The following CCDC181 variants were observed in gnomAD, a reference collection of about 807,000 sequenced individuals.
The protein encoded by CCDC181 is coiled-coil domain-containing protein 181.
A neutral mutation model predicts 58.7 loss-of-function variants in CCDC181; 35 were observed. That is an observed-to-expected ratio of 0.60 (90% CI 0.46 to 0.79). The LOEUF (loss-of-function observed/expected upper bound fraction) is 0.79. CCDC181 is among the 30% of genes least tolerant of loss of function. The pLI is 0.00. For synonymous variants in CCDC181, 183 were observed against 197.5 expected (o/e 0.93, Z 0.62); for missense variants, 517 against 583.9 (o/e 0.89, Z 1.18).
At chr1:169,418,639 T>C (rs912702423) in intron 4 of CCDC181, 3 of 234,672 alleles carry the variant, frequency 1.3e-5, no homozygotes, top group African/African-American at 6.7e-5. Context: ...TTGGTGTCTT[T>C]AATTTGCTAA....
chr1:169,437,580 G>A (rs1657091032), intron 2 of CCDC181, among the ~76,000 whole-genome samples: 1 of 152,154 alleles, frequency 6.6e-6, no homozygotes, highest in Non-Finnish European at 1.5e-5. Flanking sequence ...CTCCCTTTGG[G>A]TTTTATAACA....
At chr1:169,402,754 A>T (rs1655421621) in intron 4 of CCDC181, among the ~76,000 whole-genome samples, 1 of 152,208 alleles carries the variant, frequency 6.6e-6, no homozygotes, top group Admixed American at 6.5e-5. Flanking sequence ...TCAACTAACG[A>T]GCAAAATAAC....
Position 169,400,993 on chromosome 1 carries a change from A to G in CCDC181, c.1216-3602T>C, listed in dbSNP as rs1009004543. Among the ~76,000 whole-genome samples the G allele has an allele frequency of 2.0e-5, 3 of 152,204 alleles. No individual in the cohort carries two copies. The South Asian group carries it at 6.2e-4, about 31-fold the overall frequency. On this transcript the variant is annotated intron_variant, in intron 4 of 5. Coordinates refer to ENST00000367806, the MANE Select transcript of CCDC181 (RefSeq NM_001300969.2). ...ACGGTCTTAGCAAACGGCACATCAGAAGATTATATCCCGCACCTGGCTCAG... is the reference window on the plus strand; with the variant it reads ...ACGGTCTTAGCAAACGGCACATCAGGAGATTATATCCCGCACCTGGCTCAG...
intron 2 of CCDC181, among the ~76,000 whole-genome samples, chr1:169,441,167 GTA>G (rs1041339500): frequency 6.6e-6 from 1 of 152,008 alleles, no homozygotes; most frequent in Non-Finnish European, 1.5e-5. Context: ...ACACTTAGTA[GTA>G]TATATATTTA....
At chr1:169,442,918 C>T (rs758250499) in intron 2 of CCDC181, 1 of 151,796 alleles carries the variant, frequency 6.6e-6, no homozygotes, top group Non-Finnish European at 1.5e-5. Context: ...ATTGAGGTAA[C>T]AGTTGAGACT....
Position 169,418,912 on chromosome 1 carries a change from C to T in CCDC181, c.1215+101G>A, listed in dbSNP as rs543139849. The T allele has an allele frequency of 4.1e-5, 38 of 919,266 alleles. 1 individual carries two copies. In the East Asian group the frequency reaches 8.4e-4, roughly 20 times the overall value. 56.9% of individuals were successfully genotyped at this position (919,266 alleles called of 1,614,324 possible). A position where few individuals can be genotyped will look rare whatever the true frequency, so the allele number is the denominator to read the frequency against. ...GGGTAGTTCTTGAACAACTTTTCTA[C>T]TTCTTCCATAGGCTGTTAGTCTGAT... is the stretch of plus-strand genomic sequence containing the variant. On this transcript the variant is annotated intron_variant, in intron 4 of 5. Transcript: ENST00000367806.
At chr1:169,407,387 A>G (rs1655722977) in intron 4 of CCDC181, among the ~76,000 whole-genome samples, 4 of 152,188 alleles carry the variant, frequency 2.6e-5, no homozygotes, top group African/African-American at 7.2e-5. Context: ...TATACCAAGT[A>G]AAAGGAAAAA....
chr1:169,428,314 C>T (rs1044839174), upstream of CCDC181, among the ~76,000 whole-genome samples: 2 of 152,098 alleles, frequency 1.3e-5, no homozygotes, highest in African/African-American at 4.8e-5. Flanking sequence ...AAAAAAGACG[C>T]TCCCAAAAAA....
rs192883196 is a variant in CCDC181 at position 169,435,957 on chromosome 1, A to G, written c.-23-11007T>C. Among the ~76,000 whole-genome samples the G allele has an allele frequency of 9.2e-4, 140 of 152,312 alleles. 1 individual carries two copies. Among genetic ancestry groups the G allele is most frequent in the Non-Finnish European group, 1.8e-3 (120 of 68,006 alleles). On this transcript the variant is annotated intron_variant, in intron 2 of 6. Coordinates refer to the CCDC181 transcript ENST00000545005. Reference sequence around the variant, plus strand: ...AAATCATAATAACATCCCCACTTAAATGGAAGTCAGAGTTCCAGTTATCTC... The same window carrying G: ...AAATCATAATAACATCCCCACTTAAGTGGAAGTCAGAGTTCCAGTTATCTC...
rs538246575 is a variant in CCDC181 at position 169,398,360 on chromosome 1, A to C, written c.1216-969T>G. Among the ~76,000 whole-genome samples, 704 of 152,332 alleles carry C rather than the reference A, an allele frequency of 4.6e-3. 4 individuals are homozygous for C. The highest frequency in any genetic ancestry group is 8.5e-3 in the Non-Finnish European group (577 of 68,012). On this transcript the variant is annotated intron_variant, in intron 4 of 5. Coordinates refer to ENST00000367806, the MANE Select transcript of CCDC181 (RefSeq NM_001300969.2). Reference sequence around the variant, plus strand: ...AATATGCTAATTACACAATGTGTACATGTATCAAAACATCACACTGTACTC... The same window carrying C: ...AATATGCTAATTACACAATGTGTACCTGTATCAAAACATCACACTGTACTC...
chr1:169,441,777 A>C (rs1657235738), intron 2 of CCDC181, among the ~76,000 whole-genome samples: 1 of 151,910 alleles, frequency 6.6e-6, no homozygotes, highest in Non-Finnish European at 1.5e-5. Context: ...GCATTGAAAA[A>C]TGTATTTAGA....
intron 4 of CCDC181, among the ~76,000 whole-genome samples, chr1:169,408,162 C>T (rs1327006360): frequency 6.6e-6 from 1 of 152,238 alleles, no homozygotes; most frequent in African/African-American, 2.4e-5. Context: ...AAGCTAAGAT[C>T]CACTTGCTTG....
intron 4 of CCDC181, among the ~76,000 whole-genome samples, chr1:169,406,822 A>AG (rs1655686044): frequency 6.7e-6 from 1 of 149,782 alleles, no homozygotes; most frequent in Non-Finnish European, 1.5e-5. Flanking sequence ...CACAAAAAAA[A>AG]TAAAAAAAAA....
intron 2 of CCDC181, among the ~76,000 whole-genome samples, chr1:169,449,201 C>A (rs1239665039): frequency 2.6e-5 from 4 of 152,088 alleles, no homozygotes; most frequent in Non-Finnish European, 4.4e-5. Flanking sequence ...TGTCTTTTAG[C>A]ATATCTTGTA....
intron 4 of CCDC181, among the ~76,000 whole-genome samples, chr1:169,398,403 A>G (rs749300671): frequency 2.0e-5 from 3 of 152,232 alleles, no homozygotes; most frequent in African/African-American, 4.8e-5. Context: ...ATGTGAAATT[A>G]TGTGTCAATT....
Position 169,421,457 on chromosome 1 carries a change from T to G in CCDC181, c.974A>C (p.His325Pro). 6.2e-7 allele frequency: 1 copy of G among 1,614,102 alleles called. No homozygotes were observed. The change falls in exon 3 of 6, where the codon CAT becomes CCT. Residue 325 changes from histidine to proline, a missense_variant. Physicochemically the swap from His to Pro is moderately conservative, Grantham distance 77. Coordinates refer to ENST00000367806, the MANE Select transcript of CCDC181 (RefSeq NM_001300969.2). ...GTATGTTGAAGTCACTGGTGAGATATGTGCAGACTGTGTCCTGTGATTAGA... is the reference window on the plus strand; with the variant it reads ...GTATGTTGAAGTCACTGGTGAGATAGGTGCAGACTGTGTCCTGTGATTAGA... ...GKSNHRTQSAHISPVTSTYCL... is the reference protein window; with the variant it reads ...GKSNHRTQSAPISPVTSTYCL...
chr1:169,460,050 A>T (rs745745839), intron 1 of CCDC181, among the ~76,000 whole-genome samples: 1 of 152,166 alleles, frequency 6.6e-6, no homozygotes, highest in Non-Finnish European at 1.5e-5. Context: ...TTGGGACAGC[A>T]CTTGGGCCTG....
chr1:169,398,724 A>C (rs1376775392), intron 4 of CCDC181, among the ~76,000 whole-genome samples: 1 of 152,260 alleles, frequency 6.6e-6, no homozygotes, highest in Non-Finnish European at 1.5e-5. Context: ...TCTAATGGAC[A>C]GTGCAAATAC....
In CCDC181 at chr1:169,397,395, A is replaced by G. The variant is rs371313447; in HGVS notation, c.1216-4T>C. ...GTTGTGGATCTCTGTTTTCCTGCTG[A>G]TTAGAAAAACAAGCTTTACTTAGTT... On this transcript the variant is annotated splice_polypyrimidine_tract_variant and splice_region_variant and intron_variant, in intron 4 of 5. Coordinates refer to ENST00000367806, the MANE Select transcript of CCDC181 (RefSeq NM_001300969.2). The G allele has an allele frequency of 2.6e-5, 42 of 1,594,892 alleles. No individual in the cohort carries two copies. Among genetic ancestry groups the G allele is most frequent in the Non-Finnish European group, 3.3e-5 (39 of 1,172,778 alleles).
Sources: allele counts gnomAD v4.1 joint callset (sites outside exome capture counted in the v4.1 genomes callset), GRCh38; gene constraint gnomAD v4.1.1; transcripts MANE v1.5; gene names NCBI Gene and HGNC (gene_info 2026-07-23, HGNC 2026-07-21).